The following LINGO2 variants were observed in gnomAD, a reference collection of about 807,000 sequenced individuals.
LINGO2 encodes leucine-rich repeat and immunoglobulin-like domain-containing nogo receptor-interacting protein 2.
Under a neutral mutation model 30.6 loss-of-function variants are expected in LINGO2, and 14 were observed. That is an observed-to-expected ratio of 0.46 (90% CI 0.30 to 0.72). LINGO2 has a LOEUF of 0.72. Ranked by LOEUF, LINGO2 falls within the 30% of genes least tolerant of loss-of-function variation. The probability of loss-of-function intolerance (pLI) is 0.07; values close to 1 mark genes in which losing one functional copy is unlikely to be tolerated. For synonymous variants in LINGO2, 317 were observed against 288.5 expected (o/e 1.10, Z -1.00); for missense variants, 729 against 751.7 (o/e 0.97, Z 0.35).
chr9:29,196,123 A>G, the LINGO2 span, among the ~76,000 whole-genome samples: 1 of 152,154 alleles, frequency 6.6e-6, no homozygotes, highest in East Asian at 1.9e-4. Flanking sequence ...TAACAAAGAA[A>G]TGACATTAAG....
intron 2 of LINGO2, among the ~76,000 whole-genome samples, chr9:28,415,864 A>G (rs542633514): frequency 6.6e-6 from 1 of 152,304 alleles, no homozygotes; most frequent in East Asian, 1.9e-4. Context: ...AAATGCATGG[A>G]TGAAAATAAT....
At chr9:28,499,876 C>A (rs1389128449) in intron 1 of LINGO2, among the ~76,000 whole-genome samples, 1 of 152,090 alleles carries the variant, frequency 6.6e-6, no homozygotes, top group Non-Finnish European at 1.5e-5. Context: ...CTATATGTCC[C>A]CACTGGATGC....
At chr9:29,047,005 G>GGAA in the LINGO2 span, among the ~76,000 whole-genome samples, 2 of 145,124 alleles carry the variant, frequency 1.4e-5, no homozygotes, top group African/African-American at 2.5e-5. Context: ...CTTGAATCCG[G>GGAA]GCACTCCACC....
intron 3 of LINGO2, among the ~76,000 whole-genome samples, chr9:28,368,700 C>A (rs529988595): frequency 1.3e-5 from 2 of 151,660 alleles, no homozygotes; most frequent in East Asian, 3.9e-4. Flanking sequence ...GAGTTCACAC[C>A]ATTCTCCTGC....
chr9:28,991,053 G>A, the LINGO2 span, among the ~76,000 whole-genome samples: 1,055 of 152,226 alleles, frequency 6.9e-3, 15 homozygotes, highest in African/African-American at 0.024. Context: ...GGCTTCAGAC[G>A]ATCAAACTAC....
the LINGO2 span, among the ~76,000 whole-genome samples, chr9:28,746,969 G>A: frequency 3.6e-4 from 54 of 152,110 alleles, no homozygotes; most frequent in African/African-American, 5.1e-4. Context: ...TTAGTGATAC[G>A]GACAGGAGAC....
chr9:28,758,481 C>T, the LINGO2 span, among the ~76,000 whole-genome samples: 15 of 152,002 alleles, frequency 9.9e-5, no homozygotes, highest in Admixed American at 3.3e-4. Flanking sequence ...GTAAATTTCC[C>T]GTATAAAGCC....
At chr9:28,375,570 G>A (rs916283400) in intron 2 of LINGO2, among the ~76,000 whole-genome samples, 2 of 152,194 alleles carry the variant, frequency 1.3e-5, no homozygotes, top group Admixed American at 6.5e-5. Flanking sequence ...GTCCTGGTAC[G>A]CACTGCATGC....
At chr9:28,883,630 A>ATGTATG in the LINGO2 span, among the ~76,000 whole-genome samples, 9 of 23,498 alleles carry the variant, frequency 3.8e-4, 1 homozygote, top group African/African-American at 9.5e-5. Flanking sequence ...GTGTGTGTGT[A>ATGTATG]TATATATATA....
intron 4 of LINGO2, among the ~76,000 whole-genome samples, chr9:28,021,121 CTTAAA>C (rs1823098913): frequency 2.0e-5 from 3 of 151,788 alleles, no homozygotes; most frequent in Non-Finnish European, 4.4e-5. Context: ...ATGGTGGAAG[CTTAAA>C]TTATTTAGAT....
chr9:28,681,157 A>C, the LINGO2 span, among the ~76,000 whole-genome samples: 1 of 151,986 alleles, frequency 6.6e-6, no homozygotes, highest in Non-Finnish European at 1.5e-5. Context: ...TCTTGCATGC[A>C]GTTAGTTCCC....
intron 1 of LINGO2, chr9:28,599,110 G>A (rs1433396296): frequency 1.3e-5 from 2 of 152,124 alleles, no homozygotes; most frequent in African/African-American, 4.8e-5. Flanking sequence ...AGTGAAAACA[G>A]TCTCTGCAGC....
intron 4 of LINGO2, among the ~76,000 whole-genome samples, chr9:28,059,444 T>C (rs1377763194): frequency 6.6e-6 from 1 of 152,068 alleles, no homozygotes; most frequent in Non-Finnish European, 1.5e-5. Context: ...CCCGCACGAC[T>C]TGGTGTTGGG....
the LINGO2 span, among the ~76,000 whole-genome samples, chr9:28,717,036 C>G: frequency 1.2e-4 from 18 of 151,820 alleles, no homozygotes; most frequent in Admixed American, 1.2e-3. Context: ...TAAAAACAAC[C>G]AAAGGGTAAC....
the LINGO2 span, among the ~76,000 whole-genome samples, chr9:29,193,315 C>T: frequency 6.6e-6 from 1 of 152,094 alleles, no homozygotes; most frequent in African/African-American, 2.4e-5. Flanking sequence ...TTTCTGCTTA[C>T]CATTCGGCCT....
chr9:28,225,983 T>C (rs1200172091), intron 4 of LINGO2, among the ~76,000 whole-genome samples: 1 of 152,124 alleles, frequency 6.6e-6, no homozygotes, highest in African/African-American at 2.4e-5. Flanking sequence ...AAATTGATGC[T>C]AAATCAATCT....
intron 1 of LINGO2, among the ~76,000 whole-genome samples, chr9:28,657,365 G>C (rs966822881): frequency 6.6e-6 from 1 of 151,868 alleles, no homozygotes; most frequent in Non-Finnish European, 1.5e-5. Context: ...TACCAGTGCA[G>C]TCATCTACTC....
intron 1 of LINGO2, among the ~76,000 whole-genome samples, chr9:28,505,576 T>C (rs187185412): frequency 1.3e-3 from 204 of 152,102 alleles, no homozygotes; most frequent in Non-Finnish European, 2.5e-3. Flanking sequence ...TAGATCATGA[T>C]GATTATAAAT....
chr9:28,850,137 T>C, the LINGO2 span, among the ~76,000 whole-genome samples: 3 of 152,050 alleles, frequency 2.0e-5, no homozygotes, highest in Non-Finnish European at 4.4e-5. Flanking sequence ...CTGCATACAG[T>C]TACTTCTTAT....
Sources: allele counts gnomAD v4.1 joint callset (sites outside exome capture counted in the v4.1 genomes callset), GRCh38; gene constraint gnomAD v4.1.1; transcripts MANE v1.5; gene names NCBI Gene and HGNC (gene_info 2026-07-23, HGNC 2026-07-21).